The following TACR3 variants were observed in gnomAD, a reference collection of about 807,000 sequenced individuals.
The protein encoded by TACR3 is tachykinin receptor 3.
In TACR3, 34 loss-of-function variants were observed where a neutral mutation model predicts 35.0. The observed-to-expected ratio is 0.97, with a 90% CI of 0.74 to 1.30. The LOEUF (loss-of-function observed/expected upper bound fraction) is 1.30. Ranked by LOEUF, TACR3 falls within the 50% of genes most tolerant of loss-of-function variation. The pLI is 0.00. For synonymous variants in TACR3, 233 were observed against 221.1 expected, an observed-to-expected ratio of 1.05 and a Z score of -0.48; for missense variants, 558 against 591.7, an observed-to-expected ratio of 0.94 and a Z score of 0.59.
chr4:103,660,719 G>T (rs1164049597), intron 1 of TACR3, among the ~76,000 whole-genome samples: 3 of 151,852 alleles, frequency 2.0e-5, no homozygotes, highest in African/African-American at 7.3e-5. Flanking sequence ...AAAGAGAAAA[G>T]AAAAAGTAGT....
intron 3 of TACR3, among the ~76,000 whole-genome samples, chr4:103,638,802 A>G (rs2110317865): frequency 6.6e-6 from 1 of 152,266 alleles, no homozygotes; most frequent in Admixed American, 6.5e-5. Context: ...CACTTCTCAA[A>G]AGAAGACATT....
intron 3 of TACR3, chr4:103,624,234 G>T (rs972742646): frequency 3.9e-5 from 6 of 152,130 alleles, no homozygotes; most frequent in African/African-American, 1.2e-4. Context: ...AAGCATGTAT[G>T]TTCCTTTAGG....
At position 103,670,906 on chromosome 4, in the gene TACR3, A is replaced by G. The variant is rs1726044198; in HGVS notation, c.549-12503T>C. On this transcript the variant is annotated intron_variant, in intron 1 of 4. Coordinates refer to ENST00000304883, the MANE Select transcript of TACR3 (RefSeq NM_001059.3). ...TGTCTTGTTCCAGATCTTACAGAAAAGGCTGTCAGTTTTTCCCATTCAGTA... is the reference window on the plus strand; with the variant it reads ...TGTCTTGTTCCAGATCTTACAGAAAGGGCTGTCAGTTTTTCCCATTCAGTA... Among the ~76,000 whole-genome samples, 5 of 152,168 alleles carry G rather than the reference A, an allele frequency of 3.3e-5. No homozygotes were observed. In the South Asian group the frequency reaches 1.0e-3, roughly 32 times the overall value.
At position 103,647,340 on chromosome 4, in the gene TACR3, C is replaced by T. The variant is rs566633814; in HGVS notation, c.888+8854G>A. Among the ~76,000 whole-genome samples the T allele has an allele frequency of 2.8e-4, 42 of 151,910 alleles. No homozygotes were observed. In the South Asian group the frequency reaches 8.7e-3, roughly 32 times the overall value. ...CTTTGACTATCTACTAATAAGTAGA[C>T]TAAAGTTGACAAGGATCAGTTTCCT... On this transcript the variant is annotated intron_variant, in intron 3 of 4. Transcript: ENST00000304883.
intron 1 of TACR3, among the ~76,000 whole-genome samples, chr4:103,696,235 T>C (rs920893089): frequency 2.0e-5 from 3 of 152,144 alleles, no homozygotes; most frequent in Non-Finnish European, 4.4e-5. Context: ...TCATATAAAC[T>C]GAGACCATGC....
chr4:103,701,941 A>G (rs1722660442), intron 1 of TACR3, among the ~76,000 whole-genome samples: 1 of 152,206 alleles, frequency 6.6e-6, no homozygotes, highest in Non-Finnish European at 1.5e-5. Context: ...TAAAACCATA[A>G]AAATCCTAGA....
At chr4:103,709,425 G>T (rs562424828) in intron 1 of TACR3, among the ~76,000 whole-genome samples, 1 of 152,274 alleles carries the variant, frequency 6.6e-6, no homozygotes, top group Admixed American at 6.5e-5. Flanking sequence ...AAGTGAAGGA[G>T]AAATAAAATC....
chr4:103,624,997 G>T (rs981103934), intron 3 of TACR3, among the ~76,000 whole-genome samples: 2 of 151,990 alleles, frequency 1.3e-5, no homozygotes, highest in Non-Finnish European at 2.9e-5. Context: ...GGTAGAGAGG[G>T]AGAAGAAAAG....
intron 1 of TACR3, among the ~76,000 whole-genome samples, chr4:103,705,015 T>C (rs1722752380): frequency 6.6e-6 from 1 of 152,190 alleles, no homozygotes; most frequent in Non-Finnish European, 1.5e-5. Flanking sequence ...ATTTGTTAGA[T>C]CATTTTCTTT....
chr4:103,616,738 G>C (rs1223201996), intron 3 of TACR3, among the ~76,000 whole-genome samples: 1 of 152,146 alleles, frequency 6.6e-6, no homozygotes, highest in Non-Finnish European at 1.5e-5. Context: ...CTTGAGCCTA[G>C]GAGTTTGAGA....
chr4:103,617,591 T>G (rs1447384365), intron 3 of TACR3, among the ~76,000 whole-genome samples: 2 of 152,194 alleles, frequency 1.3e-5, no homozygotes, highest in Non-Finnish European at 2.9e-5. Flanking sequence ...CTATTCTTTT[T>G]AGCAACTCAT....
At chr4:103,689,560 C>T (rs1184533769) in intron 1 of TACR3, among the ~76,000 whole-genome samples, 1 of 151,706 alleles carries the variant, frequency 6.6e-6, no homozygotes, top group East Asian at 1.9e-4. Context: ...ACAATAAAAC[C>T]TCTAAATATT....
intron 3 of TACR3, chr4:103,624,538 A>G (rs543279508): frequency 1.3e-5 from 2 of 152,322 alleles, no homozygotes; most frequent in South Asian, 4.1e-4. Flanking sequence ...TGAGTAAAGT[A>G]TATAGGTGTA....
intron 3 of TACR3, among the ~76,000 whole-genome samples, chr4:103,650,656 AT>A (rs2110325728): frequency 2.2e-5 from 1 of 46,036 alleles, no homozygotes. Context: ...ATATATATAA[AT>A]ATATATAAAT....
At chr4:103,707,901 T>C (rs760654940) in intron 1 of TACR3, among the ~76,000 whole-genome samples, 5 of 152,138 alleles carry the variant, frequency 3.3e-5, no homozygotes, top group Non-Finnish European at 4.4e-5. Context: ...GCCTTACTCA[T>C]TGCTAGCACA....
chr4:103,691,482 G>C (rs1436369761), intron 1 of TACR3, among the ~76,000 whole-genome samples: 2 of 152,122 alleles, frequency 1.3e-5, no homozygotes, highest in African/African-American at 2.4e-5. Context: ...GAGCATAAAG[G>C]CTTTCCTTTG....
Position 103,707,136 on chromosome 4 carries a change from A to G in TACR3, c.548+11992T>C, listed in dbSNP as rs542405989. On this transcript the variant is annotated intron_variant, in intron 1 of 4. Transcript: ENST00000304883. ...CCTGCTTTTGCATTTATGACAGTGT[A>G]TTTGAGGATATTTTCTTCTTTTTAC... Among the ~76,000 whole-genome samples, 209 of 152,342 alleles carry G rather than the reference A, an allele frequency of 1.4e-3. 1 individual carries two copies. The highest frequency in any genetic ancestry group is 4.8e-3 in the African/African-American group (201 of 41,586).
intron 1 of TACR3, among the ~76,000 whole-genome samples, chr4:103,698,981 TTC>T (rs1279077449): frequency 6.6e-6 from 1 of 152,190 alleles, no homozygotes; most frequent in African/African-American, 2.4e-5. Flanking sequence ...CTTTTGCAAC[TTC>T]TGTTTTTCTG....
intron 1 of TACR3, among the ~76,000 whole-genome samples, chr4:103,662,807 G>A (rs1725859670): frequency 6.6e-6 from 1 of 152,178 alleles, no homozygotes; most frequent in South Asian, 2.1e-4. Context: ...CAGAAGCTAG[G>A]TTAAGACAAG....
Sources: gnomAD v4.1 joint callset for allele counts (sites outside exome capture counted in the v4.1 genomes callset) on GRCh38, gnomAD v4.1.1 for gene constraint, MANE v1.5 for transcripts, NCBI Gene and HGNC (gene_info 2026-07-23, HGNC 2026-07-21) for gene names.